The following PDE7A variants were observed in gnomAD, a reference collection of about 807,000 sequenced individuals.
PDE7A encodes phosphodiesterase 7A.
A neutral mutation model predicts 64.3 loss-of-function variants in PDE7A; 39 were observed. That is an observed-to-expected ratio of 0.61 (90% CI 0.47 to 0.79). The LOEUF (loss-of-function observed/expected upper bound fraction) is 0.79, where lower values mean the gene tolerates loss of function less well. Ranked by LOEUF, PDE7A falls within the 30% of genes least tolerant of loss-of-function variation. The probability of loss-of-function intolerance (pLI) is 0.00; values close to 1 mark genes in which losing one functional copy is unlikely to be tolerated. For synonymous variants in PDE7A, 203 were observed against 206.8 expected (o/e 0.98, Z 0.16); for missense variants, 470 against 582.8 (o/e 0.81, Z 1.99).
In PDE7A at chr8:65,779,745, T is replaced by C. The variant is rs201107612; in HGVS notation, c.258A>G (p.Pro86=). The C allele has an allele frequency of 5.3e-5, 84 of 1,590,304 alleles. 1 individual carries two copies. The highest frequency in any genetic ancestry group is 1.7e-4 in the Middle Eastern group (1 of 6,014). ...GFESERRGSH[P]YIDFRIFHSQ... ...AGTGGAAAATACGAAAATCAATATA[T>C]GGGTGAGAACCTCTTCTTTCTGATT... The change falls in exon 3 of 13, where the codon CCA becomes CCG. Residue 86 remains proline, a synonymous_variant. Coordinates refer to ENST00000401827, the MANE Select transcript of PDE7A (RefSeq NM_001242318.3).
At chr8:65,727,055 G>T in intron 8 of PDE7A, 89 bp from the exon 9 acceptor site, 2 of 982,326 alleles carry the variant, frequency 2.0e-6, no homozygotes, top group African/African-American at 1.6e-5. Context: ...ATATTAATCT[G>T]GTTAAAATTC....
At chr8:65,817,767 T>C (rs1810447018) in intron 1 of PDE7A, among the ~76,000 whole-genome samples, 3 of 151,722 alleles carry the variant, frequency 2.0e-5, no homozygotes, top group African/African-American at 7.3e-5. Flanking sequence ...TTTTTTTTTT[T>C]TTCGAGATGG....
intron 3 of PDE7A, among the ~76,000 whole-genome samples, chr8:65,753,433 T>C (rs1384736750): frequency 6.6e-6 from 1 of 152,198 alleles, no homozygotes. Flanking sequence ...GAGACTGCAC[T>C]GGACCCTGCT....
At chr8:65,790,355 G>A (rs954437845) in intron 1 of PDE7A, among the ~76,000 whole-genome samples, 7 of 152,122 alleles carry the variant, frequency 4.6e-5, no homozygotes, top group Admixed American at 6.5e-5. Flanking sequence ...GGTGGGGTAG[G>A]GGCTGGATGG....
intron 1 of PDE7A, among the ~76,000 whole-genome samples, chr8:65,814,762 T>C (rs1563517841): frequency 6.6e-6 from 1 of 152,096 alleles, no homozygotes. Flanking sequence ...CCAGCACTTT[T>C]GGGAGGCCAA....
intron 2 of PDE7A, among the ~76,000 whole-genome samples, chr8:65,781,320 A>G (rs1217146631): frequency 6.7e-6 from 1 of 149,792 alleles, no homozygotes; most frequent in Non-Finnish European, 1.5e-5. Flanking sequence ...GGCAGGAGCA[A>G]GGTGAGTGAG....
chr8:65,789,641 CTT>C (rs1809646747), intron 1 of PDE7A, among the ~76,000 whole-genome samples: 1 of 152,162 alleles, frequency 6.6e-6, no homozygotes, highest in South Asian at 2.1e-4. Flanking sequence ...TGCAATCTAA[CTT>C]ATATTTTTGG....
At chr8:65,782,153 T>C (rs1444177750) in intron 2 of PDE7A, among the ~76,000 whole-genome samples, 1 of 152,136 alleles carries the variant, frequency 6.6e-6, no homozygotes, top group East Asian at 1.9e-4. Flanking sequence ...TAACAAAAAA[T>C]GAATAAATTT....
chr8:65,762,824 T>C (rs762792241), intron 3 of PDE7A, among the ~76,000 whole-genome samples: 6 of 152,274 alleles, frequency 3.9e-5, no homozygotes, highest in African/African-American at 1.4e-4. Context: ...AGAATAAGCA[T>C]ACAATCTCAT....
intron 1 of PDE7A, among the ~76,000 whole-genome samples, chr8:65,835,263 G>A (rs942366447): frequency 2.0e-5 from 3 of 152,170 alleles, no homozygotes; most frequent in African/African-American, 4.8e-5. Context: ...GTCTAGATCT[G>A]AAAAGATCTT....
intron 1 of PDE7A, among the ~76,000 whole-genome samples, chr8:65,784,653 G>A (rs1312405869): frequency 6.6e-6 from 1 of 151,724 alleles, no homozygotes. Flanking sequence ...ACAAAGTAAA[G>A]GATAAACTTC....
intron 12 of PDE7A, chr8:65,723,301 C>T (rs944089640): frequency 7.6e-6 from 2 of 263,644 alleles, no homozygotes; most frequent in Non-Finnish European, 1.4e-5. Flanking sequence ...TTCTTATTTA[C>T]ATAAGAACAG....
intron 1 of PDE7A, chr8:65,788,863 A>C: frequency 1.3e-6 from 2 of 1,526,480 alleles, no homozygotes; most frequent in Non-Finnish European, 1.8e-6. Flanking sequence ...TCACCATCCT[A>C]AAAATAAAGA....
At chr8:65,775,938 T>C (rs1809248891) in intron 3 of PDE7A, among the ~76,000 whole-genome samples, 1 of 152,202 alleles carries the variant, frequency 6.6e-6, no homozygotes, top group African/African-American at 2.4e-5. Context: ...TCTTCCCTTT[T>C]CTTTGTAGCA....
intron 5 of PDE7A, among the ~76,000 whole-genome samples, chr8:65,741,896 T>C (rs1472307857): frequency 2.0e-5 from 3 of 152,244 alleles, no homozygotes; most frequent in Non-Finnish European, 4.4e-5. Flanking sequence ...TACCCTCTTT[T>C]GGAATTCAGG....
chr8:65,821,096 G>A (rs968193639), intron 1 of PDE7A, among the ~76,000 whole-genome samples: 2 of 151,782 alleles, frequency 1.3e-5, no homozygotes, highest in African/African-American at 4.8e-5. Flanking sequence ...ACTTCTCAAG[G>A]GCACTAGCTA....
intron 6 of PDE7A, among the ~76,000 whole-genome samples, chr8:65,737,177 A>C (rs1029268232): frequency 6.6e-6 from 1 of 152,132 alleles, no homozygotes; most frequent in East Asian, 1.9e-4. Context: ...GTATAGAGCC[A>C]AAGCCATTCC....
At chr8:65,786,198 A>G (rs916354482) in intron 1 of PDE7A, among the ~76,000 whole-genome samples, 1 of 152,202 alleles carries the variant, frequency 6.6e-6, no homozygotes, top group Non-Finnish European at 1.5e-5. Context: ...TATTCATTAT[A>G]AGGTACTAAT....
chr8:65,744,374 T>A (rs528682055), intron 5 of PDE7A, among the ~76,000 whole-genome samples: 3 of 152,344 alleles, frequency 2.0e-5, no homozygotes, highest in African/African-American at 7.2e-5. Context: ...TAAGGTTTAG[T>A]GGTCCTCAAT....
Sources: allele counts gnomAD v4.1 joint callset (sites outside exome capture counted in the v4.1 genomes callset), GRCh38; gene constraint gnomAD v4.1.1; transcripts MANE v1.5; gene names NCBI Gene and HGNC (gene_info 2026-07-23, HGNC 2026-07-21).